IGF2BP3: variants seen among roughly 807,000 people sequenced by gnomAD.
The protein encoded by IGF2BP3 is insulin-like growth factor 2 mRNA-binding protein 3.
IGF2BP3 carries 9 observed loss-of-function variants against 73.8 expected under a neutral mutation model. That is an observed-to-expected ratio of 0.12 (90% CI 0.07 to 0.21). IGF2BP3 has a LOEUF of 0.21. IGF2BP3 is among the 10% of genes least tolerant of loss of function. The pLI is 1.00. For missense variants in IGF2BP3, 542 were observed against 714.0 expected, an observed-to-expected ratio of 0.76 and a Z score of 2.75; for synonymous variants, 258 against 256.7, an observed-to-expected ratio of 1.01 and a Z score of -0.05.
intron 2 of IGF2BP3, among the ~76,000 whole-genome samples, chr7:23,454,404 G>C (rs923465410): frequency 1.3e-5 from 2 of 152,044 alleles, no homozygotes; most frequent in African/African-American, 4.8e-5. Context: ...CTATGTCTCC[G>C]TATATATGAA....
rs372660271 is a variant in IGF2BP3 at position 23,342,197 on chromosome 7, A to C, written c.1078-8T>G. The C allele has an allele frequency of 3.7e-6, 6 of 1,613,412 alleles. No individual in the cohort carries two copies. The African/African-American group carries it at 5.3e-5, about 14-fold the overall frequency. On this transcript the variant is annotated splice_polypyrimidine_tract_variant and splice_region_variant and intron_variant, in intron 9 of 14. Transcript: ENST00000258729. ...AATTAAATGTGCTTGAAGCTGCAAC[A>C]GTAAAAAGGCCCCTTAATTTGACAA...
chr7:23,459,354 G>C (rs765147394), intron 2 of IGF2BP3, among the ~76,000 whole-genome samples: 1 of 152,112 alleles, frequency 6.6e-6, no homozygotes, highest in Non-Finnish European at 1.5e-5. Flanking sequence ...CCTCCCAAAA[G>C]ATTTCTTCTA....
At chr7:23,335,309 G>A (rs1014030646) in intron 10 of IGF2BP3, among the ~76,000 whole-genome samples, 5 of 150,936 alleles carry the variant, frequency 3.3e-5, no homozygotes, top group African/African-American at 1.2e-4. Context: ...TTTGGACAAG[G>A]TCTCACTCTG....
chr7:23,418,891 G>C (rs1787267776), intron 2 of IGF2BP3, 67 bp from the exon 3 acceptor site: 1 of 1,013,198 alleles, frequency 9.9e-7, no homozygotes, highest in African/African-American at 1.6e-5. Flanking sequence ...TAGCCAACAT[G>C]GAAGTTTAGA....
At chr7:23,357,748 G>GTAT (rs1249509995) in intron 5 of IGF2BP3, among the ~76,000 whole-genome samples, 3 of 152,200 alleles carry the variant, frequency 2.0e-5, no homozygotes, top group Admixed American at 2.0e-4. Flanking sequence ...ATGAACACAT[G>GTAT]TATTAATATT....
At chr7:23,325,357 A>G (rs1366898493) in intron 10 of IGF2BP3, among the ~76,000 whole-genome samples, 5 of 152,194 alleles carry the variant, frequency 3.3e-5, no homozygotes, top group Non-Finnish European at 7.3e-5. Flanking sequence ...TAGGAATCCA[A>G]CTTACAAGGG....
chr7:23,418,555 A>T (rs1787256795), intron 3 of IGF2BP3, among the ~76,000 whole-genome samples: 2 of 152,240 alleles, frequency 1.3e-5, no homozygotes, highest in Admixed American at 1.3e-4. Flanking sequence ...CAGTTACCCA[A>T]GAATATATTT....
intron 3 of IGF2BP3, among the ~76,000 whole-genome samples, chr7:23,383,818 C>T (rs774284878): frequency 1.2e-4 from 19 of 152,052 alleles, no homozygotes; most frequent in Non-Finnish European, 2.4e-4. Context: ...AGTCTGGAGC[C>T]GGGCGCGGTG....
rs140633936 is a variant in IGF2BP3, at chr7:23,408,743, T to G, written c.285+10033A>C. On this transcript the variant is annotated intron_variant, in intron 3 of 14. Transcript: ENST00000258729. Reference sequence around the variant, plus strand: ...AATTGAAAGCAGAGTCTCAAAGAGATATTTATTCACCTACATTCACGGTGG... The same window carrying G: ...AATTGAAAGCAGAGTCTCAAAGAGAGATTTATTCACCTACATTCACGGTGG... Among the ~76,000 whole-genome samples, 468 of 152,300 alleles carry G rather than the reference T, an allele frequency of 3.1e-3. 4 individuals carry two copies. The highest frequency in any genetic ancestry group is 0.019 in the South Asian group (91 of 4,824).
intron 3 of IGF2BP3, among the ~76,000 whole-genome samples, chr7:23,388,534 A>G (rs529977237): frequency 2.0e-4 from 31 of 152,282 alleles, no homozygotes; most frequent in Admixed American, 8.5e-4. Context: ...ATGGGAAAAT[A>G]AATCGGTTTC....
At chr7:23,458,741 A>G (rs1458665672) in intron 2 of IGF2BP3, among the ~76,000 whole-genome samples, 2 of 152,226 alleles carry the variant, frequency 1.3e-5, no homozygotes, top group African/African-American at 2.4e-5. Context: ...TTATTCTACA[A>G]TAAGCCCTGG....
intron 3 of IGF2BP3, among the ~76,000 whole-genome samples, chr7:23,399,177 C>T (rs546454168): frequency 1.8e-3 from 273 of 152,130 alleles, no homozygotes; most frequent in Non-Finnish European, 3.5e-3. Flanking sequence ...ATCCTTTCCC[C>T]ATTTCTTGTT....
rs1274338421 is a variant in IGF2BP3, at chr7:23,469,548, C to G, written c.175+388G>C. 6.5e-6 allele frequency: 1 copy of G among 153,212 alleles called. No individual in the cohort carries two copies. Among genetic ancestry groups the G allele is most frequent in the African/African-American group, 2.4e-5 (1 of 41,478 alleles). 9.5% of individuals were successfully genotyped at this position (153,212 alleles called of 1,614,324 possible). On this transcript the variant is annotated intron_variant, in intron 1 of 14. Coordinates refer to ENST00000258729, the MANE Select transcript of IGF2BP3 (RefSeq NM_006547.3). The surrounding 1 kb of genome is among the most constrained non-coding windows in gnomAD (Gnocchi z 6.1). ...CGCCGTAAATAACGACCGAGGAAAGCAGGAAGGAACGAGGCACAGGCGGGC... is the reference window on the plus strand; with the variant it reads ...CGCCGTAAATAACGACCGAGGAAAGGAGGAAGGAACGAGGCACAGGCGGGC...
chr7:23,392,035 C>T (rs923375420), intron 3 of IGF2BP3, among the ~76,000 whole-genome samples: 1 of 152,126 alleles, frequency 6.6e-6, no homozygotes, highest in Non-Finnish European at 1.5e-5. Flanking sequence ...AGATAATGCA[C>T]CCAGATTAAA....
At chr7:23,443,609 T>G (rs908127344) in intron 2 of IGF2BP3, among the ~76,000 whole-genome samples, 3 of 151,938 alleles carry the variant, frequency 2.0e-5, no homozygotes, top group African/African-American at 7.3e-5. Flanking sequence ...AGGCAGAGGT[T>G]GCAGTGAGCT....
At chr7:23,392,555 T>A (rs919745717) in intron 3 of IGF2BP3, among the ~76,000 whole-genome samples, 2 of 151,688 alleles carry the variant, frequency 1.3e-5, no homozygotes, top group South Asian at 2.1e-4. Context: ...TATACAACTA[T>A]TAATGATAGT....
chr7:23,351,620 G>C, intron 5 of IGF2BP3, 34 bp from the exon 6 acceptor site: 9 of 1,609,988 alleles, frequency 5.6e-6, no homozygotes, highest in Non-Finnish European at 7.6e-6. Flanking sequence ...GTGGGAAAAG[G>C]AATCAGGCTA....
At chr7:23,449,455 T>A (rs750907684) in intron 2 of IGF2BP3, among the ~76,000 whole-genome samples, 3 of 151,792 alleles carry the variant, frequency 2.0e-5, no homozygotes, top group Non-Finnish European at 4.4e-5. Flanking sequence ...AGGCAGAGCT[T>A]GCAGTGAGCC....
chr7:23,393,989 T>C (rs1786368810), intron 3 of IGF2BP3, among the ~76,000 whole-genome samples: 1 of 152,172 alleles, frequency 6.6e-6, no homozygotes, highest in African/African-American at 2.4e-5. Context: ...TTTCAAGACT[T>C]TCTGATAAGG....
Sources: allele counts gnomAD v4.1 joint callset (sites outside exome capture counted in the v4.1 genomes callset), GRCh38; gene constraint gnomAD v4.1.1; non-coding constraint Gnocchi (gnomAD v3.1); transcripts MANE v1.5; gene names NCBI Gene and HGNC (gene_info 2026-07-23, HGNC 2026-07-21).